POLD1: variants seen among roughly 807,000 people sequenced by gnomAD.
The protein encoded by POLD1 is DNA polymerase delta 1, catalytic subunit.
A neutral mutation model predicts 129.7 loss-of-function variants in POLD1; 79 were observed. The observed-to-expected ratio is 0.61, with a 90% CI of 0.51 to 0.73. The LOEUF is 0.73. Among genes scored for constraint, POLD1 ranks in the 30% least tolerant of loss-of-function variants. The pLI, the probability that POLD1 is intolerant of heterozygous loss-of-function variation, is 0.00. For missense variants in POLD1, 1,338 were observed against 1,595.8 expected (o/e 0.84, Z 2.75); for synonymous variants, 714 against 683.3 (o/e 1.04, Z -0.70).
intron 3 of POLD1, among the ~76,000 whole-genome samples, chr19:50,400,444 C>T (rs780951492): frequency 2.0e-5 from 3 of 150,510 alleles, no homozygotes; most frequent in Non-Finnish European, 4.4e-5. Flanking sequence ...TGGTTTCAAA[C>T]TCCTAACCTC....
chr19:50,407,968 G>A (rs892077478), intron 14 of POLD1, among the ~76,000 whole-genome samples: 2 of 151,892 alleles, frequency 1.3e-5, no homozygotes, highest in East Asian at 2.0e-4. Context: ...CCCAGGAGGT[G>A]GAGGCTGCAG....
At chr19:50,385,063 G>A (rs2037924183) in intron 1 of POLD1, among the ~76,000 whole-genome samples, 1 of 152,164 alleles carries the variant, frequency 6.6e-6, no homozygotes, top group Non-Finnish European at 1.5e-5. Context: ...GTAAAACTTG[G>A]TATGGAATTT....
chr19:50,409,042 G>A lies in POLD1; in HGVS notation c.1893-80G>A. 1.5e-6 allele frequency: 2 copies of A among 1,352,514 alleles called. No homozygotes were observed. Among genetic ancestry groups the A allele is most frequent in the Non-Finnish European group, 2.1e-6 (2 of 951,720 alleles). 83.8% of individuals were successfully genotyped at this position (1,352,514 alleles called of 1,614,324 possible). ...GCTTGAGGGGCCTGCGTGTGCTCATGGCCAAGGCCAGGACCGTAGGGCAGA... is the reference window on the plus strand; with the variant it reads ...GCTTGAGGGGCCTGCGTGTGCTCATAGCCAAGGCCAGGACCGTAGGGCAGA... On this transcript the variant is annotated intron_variant, in intron 15 of 26. Coordinates refer to ENST00000440232, the MANE Select transcript of POLD1 (RefSeq NM_002691.4). This position sits in a 1 kb window ranked among gnomAD's most constrained non-coding sequence, Gnocchi z 5.8.
Position 50,417,070 on chromosome 19 carries a change from C to T in POLD1, c.3093C>T (p.Pro1031=), listed in dbSNP as rs775803321. Residue 1031 remains proline (P), a synonymous_variant, in exon 25 of 27, where the codon CCC becomes CCT. Transcript: ENST00000440232. ...GAGCCGTGTGTGAGTTCTGCCAGCC[C>T]CGGGAGTCTGAGCTGTATCAGAAGG... ...HQGAVCEFCQ[P]RESELYQKEV... 9.7e-6 allele frequency: 15 copies of T among 1,553,624 alleles called. No homozygotes were observed. The East Asian group carries it at 3.4e-4, about 35-fold the overall frequency.
intron 10 of POLD1, among the ~76,000 whole-genome samples, chr19:50,404,984 C>T (rs1451066778): frequency 2.0e-5 from 3 of 152,190 alleles, no homozygotes; most frequent in Non-Finnish European, 4.4e-5. Flanking sequence ...AGGCTGGTCT[C>T]GAACTCCCAA....
At chr19:50,397,485 A>G (rs1458182965) in intron 1 of POLD1, among the ~76,000 whole-genome samples, 1 of 145,226 alleles carries the variant, frequency 6.9e-6, no homozygotes, top group Non-Finnish European at 1.5e-5. Context: ...GCTCACTGCA[A>G]CCTCCGCCTC....
chr19:50,408,974 G>A (rs940917392), intron 15 of POLD1, 73 bp downstream of exon 15: 5 of 1,478,120 alleles, frequency 3.4e-6, no homozygotes, highest in Non-Finnish European at 4.7e-6. Flanking sequence ...AGTCTGGTGG[G>A]GGGCATAGGC....
In POLD1 at chr19:50,415,538, C is replaced by T. The variant is rs777468034; in HGVS notation, c.2665C>T (p.Arg889Cys). The T allele has an allele frequency of 2.5e-6, 4 of 1,613,098 alleles. No homozygotes were observed. The highest frequency in any genetic ancestry group is 1.7e-5 in the Admixed American group (1 of 59,998). Reference protein sequence around the residue: ...SQLVITKELTRAASDYAGKQA... With the variant: ...SQLVITKELTCAASDYAGKQA... ...GCTGGTCATCACCAAGGAGCTGACCCGCGCGGCCTCCGACTATGCCGGCAA... is the reference window on the plus strand; with the variant it reads ...GCTGGTCATCACCAAGGAGCTGACCTGCGCGGCCTCCGACTATGCCGGCAA... Residue 889 changes from arginine (R) to cysteine (C), a missense_variant, in exon 21 of 27, where the codon CGC becomes TGC. Physicochemically the swap from Arg to Cys is radical, Grantham distance 180. Transcript: ENST00000440232.
At chr19:50,389,641 C>T (rs560432291) in intron 1 of POLD1, among the ~76,000 whole-genome samples, 85 of 150,990 alleles carry the variant, frequency 5.6e-4, no homozygotes, top group African/African-American at 2.0e-3. Flanking sequence ...GGCTGGAGTG[C>T]AGTGGCACTA....
rs1410703949 is a variant in POLD1, at chr19:50,417,833, C to A, written c.3219-9C>A. 4 of 1,560,378 alleles carry A rather than the reference C, an allele frequency of 2.6e-6. No individual in the cohort carries two copies. Among genetic ancestry groups the A allele is most frequent in the Non-Finnish European group, 3.5e-6 (4 of 1,154,666 alleles). On this transcript the variant is annotated splice_polypyrimidine_tract_variant and intron_variant, in intron 26 of 26. Transcript: ENST00000440232. ...CTGGTCCTGACCCTGCCCCTGCCCC[C>A]ACCCGCAGCCGGGACTGCCCCATCT...
chr19:50,387,215 G>A (rs764821625), intron 1 of POLD1, among the ~76,000 whole-genome samples: 2 of 152,192 alleles, frequency 1.3e-5, no homozygotes, highest in Non-Finnish European at 2.9e-5. Flanking sequence ...TACCTGCGAG[G>A]CTGAGGCAGG....
Position 50,408,810 on chromosome 19 carries a change from C to G in POLD1, c.1801C>G (p.Leu601Val), listed in dbSNP as rs1208283621. The change falls in exon 15 of 27, where the codon CTG becomes GTG. Residue 601 changes from leucine (L) to valine (V), a missense_variant. By Grantham distance (32) the Leu-to-Val change is conservative. This residue lies in a region of POLD1 where 720 missense variants were observed against 1,002.6 expected (regional missense o/e 0.72). Coordinates refer to ENST00000440232, the MANE Select transcript of POLD1 (RefSeq NM_002691.4). ...GTACTACGACGTCCCCATCGCCACC[C>G]TGGACTTCTCCTCGCTGTACCCGTC... ...KGYYDVPIAT[L>V]DFSSLYPSIM... is the part of the protein sequence containing the mutation. 1.2e-6 allele frequency: 2 copies of G among 1,613,868 alleles called. No individual in the cohort carries two copies. The highest frequency in any genetic ancestry group is 1.7e-6 in the Non-Finnish European group (2 of 1,179,990).
chr19:50,416,262 C>A, intron 22 of POLD1, 134 bp from the exon 23 acceptor site: 2 of 902,060 alleles, frequency 2.2e-6, no homozygotes, highest in Non-Finnish European at 3.4e-6. Context: ...CCGACCCCAT[C>A]CCAGACCCAG....
chr19:50,407,181 A>G lies in POLD1; in HGVS notation c.1686+7A>G, dbSNP rs372292374. The G allele has an allele frequency of 5.0e-6, 8 of 1,594,604 alleles. No individual in the cohort carries two copies. Among genetic ancestry groups the G allele is most frequent in the Non-Finnish European group, 6.9e-6 (8 of 1,166,072 alleles). ...ATCCCAGCTGTTGCGGCAGGTCAGT[A>G]GCCGAGACTTGTCCTCGCCACCCCC... On this transcript the variant is annotated splice_region_variant and intron_variant, in intron 13 of 26. Transcript: ENST00000440232.
intron 17 of POLD1, among the ~76,000 whole-genome samples, chr19:50,410,824 A>T (rs893434541): frequency 7.2e-5 from 11 of 152,066 alleles, no homozygotes; most frequent in African/African-American, 2.7e-4. Flanking sequence ...GACTGGCCTT[A>T]GTGACTCCAT....
chr19:50,393,018 G>A (rs558055562), intron 1 of POLD1, among the ~76,000 whole-genome samples: 28 of 152,212 alleles, frequency 1.8e-4, no homozygotes, highest in Non-Finnish European at 3.8e-4. Flanking sequence ...CAGTTAGGTG[G>A]TTTCCAGTCC....
rs376581180 is a variant in POLD1 at position 50,417,033 on chromosome 19, G to C, written c.3068-12G>C. On this transcript the variant is annotated splice_polypyrimidine_tract_variant and intron_variant, in intron 24 of 26. Coordinates refer to ENST00000440232, the MANE Select transcript of POLD1 (RefSeq NM_002691.4). ...TGGGCCCCAGCACTTGGGCTGACCCGCCTCCCCACAGGAGCCGTGTGTGAG... is the reference window on the plus strand; with the variant it reads ...TGGGCCCCAGCACTTGGGCTGACCCCCCTCCCCACAGGAGCCGTGTGTGAG... 30 of 1,548,382 alleles carry C rather than the reference G, an allele frequency of 1.9e-5. No individual in the cohort carries two copies. The highest frequency in any genetic ancestry group is 2.0e-4 in the Middle Eastern group (1 of 5,092).
Position 50,416,620 on chromosome 19 carries a change from C to T in POLD1, c.2964C>T (p.His988=), listed in dbSNP as rs878854548. The T allele has an allele frequency of 3.2e-6, 5 of 1,562,712 alleles. No individual in the cohort carries two copies. In the African/African-American group the frequency reaches 4.1e-5, roughly 13 times the overall value. ...CCTCCTCTCCTGCAGGGGGGGACCA[C>T]ACGCGCTGCAAGACGGTGCTCACGG... The part of the protein sequence containing the change: ...RAEAVLLRGD[H]TRCKTVLTGK... Residue 988 remains histidine (H), a synonymous_variant, in exon 24 of 27, where the codon CAC becomes CAT. Transcript: ENST00000440232.
intron 1 of POLD1, among the ~76,000 whole-genome samples, chr19:50,386,565 A>G (rs766358417): frequency 1.3e-5 from 2 of 152,364 alleles, no homozygotes; most frequent in East Asian, 1.9e-4. Flanking sequence ...GCATTGTGCA[A>G]TAACGAAAGT....
Sources: allele counts gnomAD v4.1 joint callset (sites outside exome capture counted in the v4.1 genomes callset), GRCh38; gene constraint gnomAD v4.1.1; regional missense constraint gnomAD v4.1.1; non-coding constraint Gnocchi (gnomAD v3.1); transcripts MANE v1.5; gene names NCBI Gene and HGNC (gene_info 2026-07-23, HGNC 2026-07-21).